Variants in EPB41L5 observed in about 807,000 individuals in gnomAD.
The protein encoded by EPB41L5 is erythrocyte membrane protein band 4.1 like 5, also known as band 4.1-like protein 5.
Under a neutral mutation model 106.6 loss-of-function variants are expected in EPB41L5, and 55 were observed. That is an observed-to-expected ratio of 0.52 (90% CI 0.42 to 0.65). EPB41L5 has a LOEUF of 0.65. Among genes scored for constraint, EPB41L5 ranks in the 30% least tolerant of loss-of-function variants. The pLI, the probability that EPB41L5 is intolerant of heterozygous loss-of-function variation, is 0.00. For missense variants in EPB41L5, 871 were observed against 882.1 expected, an observed-to-expected ratio of 0.99 and a Z score of 0.16; for synonymous variants, 297 against 306.7, an observed-to-expected ratio of 0.97 and a Z score of 0.33.
intron 20 of EPB41L5, among the ~76,000 whole-genome samples, chr2:120,149,556 G>C (rs1686575517): frequency 1.3e-5 from 2 of 152,096 alleles, no homozygotes; most frequent in South Asian, 4.1e-4. Context: ...GTACTATTAT[G>C]TATCAGGACT....
At chr2:120,172,516 TTTCCCAAACTATCAGTGAA>T (rs1175590821) in intron 24 of EPB41L5, among the ~76,000 whole-genome samples, 22 of 152,206 alleles carry the variant, frequency 1.4e-4, no homozygotes, top group African/African-American at 4.1e-4. Flanking sequence ...CACCCAGAGT[TTTCCCAAACTATCAGTGAA>T]TTCCCAAACT....
intron 3 of EPB41L5, among the ~76,000 whole-genome samples, chr2:120,054,930 G>A (rs995468285): frequency 9.6e-5 from 14 of 145,256 alleles, no homozygotes; most frequent in Admixed American, 2.1e-4. Context: ...GCAATCATGC[G>A]AACTTGGCCC....
At chr2:120,030,417 G>A (rs866601459) in intron 2 of EPB41L5, among the ~76,000 whole-genome samples, 1 of 152,100 alleles carries the variant, frequency 6.6e-6, no homozygotes, top group Non-Finnish European at 1.5e-5. Context: ...CACCCAGATC[G>A]GTAATCTGGC....
intron 3 of EPB41L5, among the ~76,000 whole-genome samples, chr2:120,044,694 C>T (rs1375256630): frequency 6.6e-6 from 1 of 152,012 alleles, no homozygotes; most frequent in African/African-American, 2.4e-5. Flanking sequence ...ATTTTTTTCT[C>T]TCATTTGATA....
At position 120,066,486 on chromosome 2, in the gene EPB41L5, T is replaced by A. The variant is rs144375419; in HGVS notation, c.286-6692T>A. Among the ~76,000 whole-genome samples the A allele has an allele frequency of 6.6e-4, 101 of 152,352 alleles. 1 individual carries two copies. In the East Asian group the frequency reaches 0.018, roughly 26 times the overall value. On this transcript the variant is annotated intron_variant, in intron 3 of 24. Transcript: ENST00000263713. ...ATTATTTTTCGTGGATATATAGTGCTCTATTATATTAAAATGCTTTAACCA... is the reference window on the plus strand; with the variant it reads ...ATTATTTTTCGTGGATATATAGTGCACTATTATATTAAAATGCTTTAACCA...
At chr2:120,166,400 CTT>C (rs774559747) in intron 22 of EPB41L5, among the ~76,000 whole-genome samples, 10 of 151,340 alleles carry the variant, frequency 6.6e-5, no homozygotes, top group Admixed American at 2.0e-4. Context: ...TTTTTTCTCT[CTT>C]ATTTCCTGCT....
chr2:120,128,669 C>A (rs1256972070), intron 17 of EPB41L5, among the ~76,000 whole-genome samples: 1 of 149,498 alleles, frequency 6.7e-6, no homozygotes, highest in South Asian at 2.1e-4. Context: ...TGTGTATTTC[C>A]TAAGAAATAA....
intron 2 of EPB41L5, among the ~76,000 whole-genome samples, chr2:120,032,045 G>A (rs1218405591): frequency 2.0e-5 from 3 of 152,142 alleles, no homozygotes; most frequent in Non-Finnish European, 4.4e-5. Flanking sequence ...CATTTTGCAA[G>A]GGTTCAGAGG....
chr2:120,156,783 C>G (rs192546519), intron 20 of EPB41L5, among the ~76,000 whole-genome samples: 7 of 152,288 alleles, frequency 4.6e-5, no homozygotes, highest in African/African-American at 1.7e-4. Flanking sequence ...CACCCAGACT[C>G]GGAAAGCAAG....
At chr2:120,049,241 T>A (rs1344831398) in intron 3 of EPB41L5, among the ~76,000 whole-genome samples, 1 of 152,212 alleles carries the variant, frequency 6.6e-6, no homozygotes, top group African/African-American at 2.4e-5. Context: ...CTTGTTGATC[T>A]GTCTGATGTT....
intron 11 of EPB41L5, among the ~76,000 whole-genome samples, chr2:120,089,722 A>G (rs944864792): frequency 2.0e-5 from 3 of 152,118 alleles, no homozygotes; most frequent in Non-Finnish European, 2.9e-5. Context: ...TTTAGGAAAT[A>G]ATTTTCCCCA....
intron 16 of EPB41L5, among the ~76,000 whole-genome samples, chr2:120,118,957 T>C (rs1031572995): frequency 1.3e-5 from 2 of 152,258 alleles, no homozygotes; most frequent in African/African-American, 4.8e-5. Flanking sequence ...CCACCAACAG[T>C]GTAAAACATT....
intron 10 of EPB41L5, among the ~76,000 whole-genome samples, chr2:120,083,918 G>T (rs995438836): frequency 1.3e-5 from 2 of 152,088 alleles, no homozygotes; most frequent in Non-Finnish European, 2.9e-5. Flanking sequence ...GACTAGGATT[G>T]CAACCTCTGC....
At chr2:120,096,559 G>A (rs1475242089) in intron 14 of EPB41L5, among the ~76,000 whole-genome samples, 2 of 152,192 alleles carry the variant, frequency 1.3e-5, no homozygotes, top group Non-Finnish European at 2.9e-5. Context: ...GGAGGCCAAG[G>A]CAGGCAGATC....
intron 2 of EPB41L5, among the ~76,000 whole-genome samples, chr2:120,038,314 G>C (rs72840489): frequency 0.046 from 7,007 of 152,232 alleles, 232 homozygotes; most frequent in Non-Finnish European, 0.072. Flanking sequence ...TCAGAGCCAC[G>C]ATGAGAGAGA....
At chr2:120,051,253 G>T (rs369026671) in intron 3 of EPB41L5, among the ~76,000 whole-genome samples, 1 of 152,224 alleles carries the variant, frequency 6.6e-6, no homozygotes, top group Non-Finnish European at 1.5e-5. Context: ...GCCCCCAGAG[G>T]TGGAGTCTAC....
At chr2:120,170,729 G>A (rs1470395246) in intron 24 of EPB41L5, among the ~76,000 whole-genome samples, 1 of 152,186 alleles carries the variant, frequency 6.6e-6, no homozygotes, top group Non-Finnish European at 1.5e-5. Flanking sequence ...AGATTACATA[G>A]GAGTGTGAAC....
intron 2 of EPB41L5, among the ~76,000 whole-genome samples, chr2:120,031,900 T>C (rs1678735485): frequency 6.6e-6 from 1 of 151,648 alleles, no homozygotes; most frequent in African/African-American, 2.4e-5. Flanking sequence ...CCTTGGGAGG[T>C]TGGGGTAGGA....
chr2:120,017,144 T>A (rs1050384387), intron 1 of EPB41L5, among the ~76,000 whole-genome samples: 4 of 152,240 alleles, frequency 2.6e-5, no homozygotes, highest in Admixed American at 2.6e-4. Context: ...AACAGCATTC[T>A]CCTGAATTCT....
Sources: gnomAD v4.1 joint callset for allele counts (sites outside exome capture counted in the v4.1 genomes callset) on GRCh38, gnomAD v4.1.1 for gene constraint, MANE v1.5 for transcripts, NCBI Gene and HGNC (gene_info 2026-07-23, HGNC 2026-07-21) for gene names.